ADAMTSL1: variants seen among roughly 807,000 people sequenced by gnomAD.
The protein encoded by ADAMTSL1 is ADAMTS like 1.
Under a neutral mutation model 201.8 loss-of-function variants are expected in ADAMTSL1, and 126 were observed. The ratio of observed to expected loss-of-function variants is 0.62; its 90% CI spans 0.54 to 0.72. The LOEUF is 0.72. ADAMTSL1 is among the 30% of genes least tolerant of loss of function. ADAMTSL1 has a pLI of 0.00. For synonymous variants in ADAMTSL1, 1,121 were observed against 903.4 expected (o/e 1.24, Z -4.32); for missense variants, 2,679 against 2,277.8 (o/e 1.18, Z -3.59).
intron 16 of ADAMTSL1, among the ~76,000 whole-genome samples, chr9:18,768,861 G>A (rs1427896854): frequency 1.3e-5 from 2 of 152,164 alleles, no homozygotes; most frequent in Non-Finnish European, 2.9e-5. Flanking sequence ...TATTACCATT[G>A]GGTATGGTGA....
intron 2 of ADAMTSL1, among the ~76,000 whole-genome samples, chr9:18,276,803 G>A (rs1283596447): frequency 2.6e-5 from 4 of 152,138 alleles, no homozygotes; most frequent in African/African-American, 7.2e-5. Context: ...TCATTATGGT[G>A]AGAATAGCAC....
At chr9:18,551,728 A>G (rs1820811090) in intron 3 of ADAMTSL1, among the ~76,000 whole-genome samples, 1 of 151,716 alleles carries the variant, frequency 6.6e-6, no homozygotes, top group African/African-American at 2.4e-5. Flanking sequence ...CGTCGTGAGG[A>G]TTTCATGAAC....
intron 2 of ADAMTSL1, among the ~76,000 whole-genome samples, chr9:18,275,032 A>T (rs995842137): frequency 2.0e-5 from 3 of 152,170 alleles, no homozygotes; most frequent in African/African-American, 7.2e-5. Flanking sequence ...AAGCTTGGAT[A>T]TCTAAAGTAA....
intron 23 of ADAMTSL1, among the ~76,000 whole-genome samples, chr9:18,867,872 C>T (rs1203270813): frequency 2.6e-5 from 4 of 152,140 alleles, no homozygotes; most frequent in African/African-American, 7.2e-5. Flanking sequence ...GTGATCCACC[C>T]ACCTCTGCCT....
At chr9:18,670,561 C>G (rs1362231492) in intron 9 of ADAMTSL1, among the ~76,000 whole-genome samples, 3 of 152,218 alleles carry the variant, frequency 2.0e-5, no homozygotes, top group African/African-American at 7.2e-5. Flanking sequence ...ATGTGCACAA[C>G]AGTGGCAGTT....
At chr9:18,326,230 A>C (rs1002373427) in intron 2 of ADAMTSL1, among the ~76,000 whole-genome samples, 1 of 152,234 alleles carries the variant, frequency 6.6e-6, no homozygotes, top group African/African-American at 2.4e-5. Flanking sequence ...AATAAGGCAA[A>C]ACTTATCTAT....
intron 1 of ADAMTSL1, among the ~76,000 whole-genome samples, chr9:17,915,616 A>C (rs1826060959): frequency 6.6e-6 from 1 of 152,212 alleles, no homozygotes; most frequent in Non-Finnish European, 1.5e-5. Context: ...GTAGGTGTAC[A>C]TTTAACTTTT....
chr9:18,369,055 C>T (rs1010537240), intron 2 of ADAMTSL1, among the ~76,000 whole-genome samples: 1 of 152,144 alleles, frequency 6.6e-6, no homozygotes, highest in Non-Finnish European at 1.5e-5. Context: ...GGAACTGGAA[C>T]TGTGTAATGT....
At chr9:17,923,143 T>C (rs1037516290) in intron 1 of ADAMTSL1, among the ~76,000 whole-genome samples, 1 of 152,208 alleles carries the variant, frequency 6.6e-6, no homozygotes, top group African/African-American at 2.4e-5. Context: ...TGGTTCCATA[T>C]GAACTTTAAA....
At chr9:18,525,279 G>C (rs1818964887) in intron 2 of ADAMTSL1, among the ~76,000 whole-genome samples, 1 of 152,152 alleles carries the variant, frequency 6.6e-6, no homozygotes. Context: ...TGTGGGATCA[G>C]TGGTGATATC....
chr9:18,276,970 A>G (rs1352629985), intron 2 of ADAMTSL1, among the ~76,000 whole-genome samples: 3 of 152,110 alleles, frequency 2.0e-5, no homozygotes, highest in Non-Finnish European at 4.4e-5. Context: ...TGGTCTCAAG[A>G]TTTTTAAATT....
At chr9:18,214,593 A>G (rs1829996785) in intron 2 of ADAMTSL1, among the ~76,000 whole-genome samples, 1 of 152,232 alleles carries the variant, frequency 6.6e-6, no homozygotes, top group African/African-American at 2.4e-5. Flanking sequence ...CAGTTCCACA[A>G]AGAAAGAATT....
chr9:18,631,529 G>A (rs1179445504), intron 5 of ADAMTSL1, among the ~76,000 whole-genome samples: 2 of 152,074 alleles, frequency 1.3e-5, no homozygotes, highest in African/African-American at 4.8e-5. Flanking sequence ...AGCTCCATAG[G>A]CATAGAGGGA....
At chr9:18,261,976 T>C (rs1036052872) in intron 2 of ADAMTSL1, among the ~76,000 whole-genome samples, 1 of 152,200 alleles carries the variant, frequency 6.6e-6, no homozygotes, top group Non-Finnish European at 1.5e-5. Context: ...TGCAAAAATA[T>C]GTGAATTTCC....
intron 20 of ADAMTSL1, among the ~76,000 whole-genome samples, chr9:18,813,169 G>A (rs1383961640): frequency 6.6e-6 from 1 of 152,068 alleles, no homozygotes; most frequent in African/African-American, 2.4e-5. Context: ...GTTTCACCAT[G>A]TTGGCCACAA....
chr9:18,668,942 T>C (rs1023539319), intron 9 of ADAMTSL1, among the ~76,000 whole-genome samples: 1 of 152,204 alleles, frequency 6.6e-6, no homozygotes, highest in Non-Finnish European at 1.5e-5. Flanking sequence ...AAAAGCAAAT[T>C]GGGATGTGGA....
intron 1 of ADAMTSL1, among the ~76,000 whole-genome samples, chr9:17,943,509 C>G (rs1563910878): frequency 6.6e-6 from 1 of 151,986 alleles, no homozygotes; most frequent in Non-Finnish European, 1.5e-5. Flanking sequence ...TGCCAAAGTT[C>G]CTGTTTAAAG....
intron 1 of ADAMTSL1, among the ~76,000 whole-genome samples, chr9:17,989,956 A>G (rs1819084681): frequency 6.7e-6 from 1 of 149,854 alleles, no homozygotes; most frequent in Non-Finnish European, 1.5e-5. Context: ...CTGCTTAGGT[A>G]GTAAAAATCT....
At position 18,258,116 on chromosome 9, in the gene ADAMTSL1, C is replaced by A. The variant is rs1831764820; in HGVS notation, c.207+94135C>A. 2.6e-5 allele frequency among the ~76,000 whole-genome samples: 4 copies of A among 152,058 alleles called. No individual in the cohort carries two copies. In the South Asian group the frequency reaches 8.3e-4, roughly 32 times the overall value. ...GTACTCTTAAAAATAGGTAAAATGG[C>A]AAATTTTATGTTATGTGTATTTACA... On this transcript the variant is annotated intron_variant, in intron 2 of 29. Coordinates refer to the ADAMTSL1 transcript ENST00000680146.
Sources: gnomAD v4.1 joint callset for allele counts (sites outside exome capture counted in the v4.1 genomes callset) on GRCh38, gnomAD v4.1.1 for gene constraint, MANE v1.5 for transcripts, NCBI Gene and HGNC (gene_info 2026-07-23, HGNC 2026-07-21) for gene names.